DGKB: variants seen among roughly 807,000 people sequenced by gnomAD.
The protein encoded by DGKB is diacylglycerol kinase beta.
Under a neutral mutation model 114.3 loss-of-function variants are expected in DGKB, and 67 were observed. The observed-to-expected ratio is 0.59, with a 90% confidence interval of 0.48 to 0.72. The LOEUF (loss-of-function observed/expected upper bound fraction) is 0.72. DGKB is among the 30% of genes least tolerant of loss of function. DGKB has a pLI of 0.00. For missense variants in DGKB, 907 were observed against 975.2 expected (o/e 0.93, Z 0.93); for synonymous variants, 398 against 323.1 (o/e 1.23, Z -2.49).
chr7:14,243,320 G>T (rs930333399), intron 23 of DGKB, among the ~76,000 whole-genome samples: 12 of 152,266 alleles, frequency 7.9e-5, no homozygotes, highest in Middle Eastern at 3.4e-3. Context: ...TGTTGCTAGT[G>T]TGAATGGAAC....
At chr7:14,711,425 T>C (rs1000702600) in intron 6 of DGKB, among the ~76,000 whole-genome samples, 1 of 152,144 alleles carries the variant, frequency 6.6e-6, no homozygotes, top group Non-Finnish European at 1.5e-5. Flanking sequence ...TCTACTTTTC[T>C]AATTTAAAAT....
chr7:14,186,415 G>A (rs1039022623), intron 23 of DGKB, among the ~76,000 whole-genome samples: 1 of 152,150 alleles, frequency 6.6e-6, no homozygotes, highest in African/African-American at 2.4e-5. Flanking sequence ...CTACACTGTG[G>A]GTGGGAATGT....
chr7:14,965,323 TA>T (rs1787088375), intron 1 of DGKB, among the ~76,000 whole-genome samples: 1 of 152,044 alleles, frequency 6.6e-6, no homozygotes, highest in Admixed American at 6.5e-5. Context: ...AGAGGAGTTA[TA>T]AAAATTAGTA....
chr7:14,716,111 G>A (rs1828138386), intron 6 of DGKB, among the ~76,000 whole-genome samples: 1 of 152,070 alleles, frequency 6.6e-6, no homozygotes, highest in Non-Finnish European at 1.5e-5. Context: ...AACAAATACT[G>A]CCACTATTCA....
chr7:14,206,986 G>T (rs944300495), intron 23 of DGKB, among the ~76,000 whole-genome samples: 3 of 151,650 alleles, frequency 2.0e-5, no homozygotes, highest in African/African-American at 7.3e-5. Flanking sequence ...AAATGTATGA[G>T]ATGGAATTTA....
intron 6 of DGKB, among the ~76,000 whole-genome samples, chr7:14,703,908 A>C (rs894241558): frequency 1.3e-5 from 2 of 152,210 alleles, no homozygotes; most frequent in South Asian, 2.1e-4. Context: ...TTGGTTTTAA[A>C]AATGAACTTA....
intron 23 of DGKB, among the ~76,000 whole-genome samples, chr7:14,283,171 C>G (rs868456994): frequency 1.3e-4 from 20 of 151,470 alleles, no homozygotes; most frequent in African/African-American, 2.7e-4. Flanking sequence ...AAAGTCTCAG[C>G]ATACAAAATC....
intron 23 of DGKB, among the ~76,000 whole-genome samples, chr7:14,277,082 AAAT>A (rs1250268834): frequency 1.3e-5 from 2 of 152,118 alleles, no homozygotes; most frequent in Admixed American, 6.5e-5. Context: ...CATTTCTAAA[AAAT>A]ATCTAATTGA....
chr7:14,158,942 T>G (rs935005551), intron 25 of DGKB, among the ~76,000 whole-genome samples: 3 of 152,138 alleles, frequency 2.0e-5, no homozygotes, highest in African/African-American at 7.2e-5. Context: ...ATCTTGAAAT[T>G]TTTTTCCTTT....
chr7:14,869,355 G>T (rs937184997), intron 1 of DGKB, among the ~76,000 whole-genome samples: 3 of 152,080 alleles, frequency 2.0e-5, no homozygotes, highest in Non-Finnish European at 4.4e-5. Context: ...AGGTTTAACT[G>T]GGTCCGTAAT....
At chr7:14,392,995 G>GTTTTTTTGTTTTTGTTTTTGTTT (rs1554404750) in intron 21 of DGKB, among the ~76,000 whole-genome samples, 1 of 60,548 alleles carries the variant, frequency 1.7e-5, no homozygotes, top group Non-Finnish European at 3.4e-5. Context: ...TTTTGTTTTT[G>GTTTTTTTGTTTTTGTTTTTGTTT]TTTTTTTTTT....
chr7:14,297,715 C>G (rs1802824071), intron 23 of DGKB, among the ~76,000 whole-genome samples: 2 of 152,046 alleles, frequency 1.3e-5, no homozygotes, highest in Non-Finnish European at 2.9e-5. Flanking sequence ...GGCAATCAGG[C>G]AAGAGGAAGA....
chr7:14,455,286 G>A (rs926534714), intron 21 of DGKB, among the ~76,000 whole-genome samples: 1 of 152,008 alleles, frequency 6.6e-6, no homozygotes, highest in Non-Finnish European at 1.5e-5. Flanking sequence ...TTTCATTGGT[G>A]TGGAATCATG....
intron 22 of DGKB, among the ~76,000 whole-genome samples, chr7:14,340,899 C>T (rs79351576): frequency 0.016 from 2,363 of 151,762 alleles, 62 homozygotes; most frequent in African/African-American, 0.053. Context: ...GGCCTTAGAA[C>T]CCCACTGTGA....
chr7:14,186,455 T>C (rs180893312), intron 23 of DGKB, among the ~76,000 whole-genome samples: 10 of 151,582 alleles, frequency 6.6e-5, no homozygotes, highest in Admixed American at 5.2e-4. Flanking sequence ...AAAAAAACAG[T>C]GTGGAGATTC....
intron 21 of DGKB, among the ~76,000 whole-genome samples, chr7:14,471,166 A>G (rs555366770): frequency 7.6e-6 from 1 of 130,824 alleles, no homozygotes; most frequent in South Asian, 2.6e-4. Context: ...TTTTCCATAT[A>G]TATGGAATAT....
chr7:14,656,735 G>GTA (rs767462323), intron 13 of DGKB, among the ~76,000 whole-genome samples: 17 of 111,914 alleles, frequency 1.5e-4, no homozygotes, highest in African/African-American at 2.5e-4. Flanking sequence ...TATATATACA[G>GTA]TATATATATA....
At chr7:14,362,018 G>A (rs577579088) in intron 21 of DGKB, among the ~76,000 whole-genome samples, 2 of 151,908 alleles carry the variant, frequency 1.3e-5, no homozygotes, top group African/African-American at 4.8e-5. Context: ...ATCAAATTCT[G>A]AATATTATTG....
At chr7:14,603,927 A>G (rs1012405516) in intron 17 of DGKB, among the ~76,000 whole-genome samples, 1 of 152,172 alleles carries the variant, frequency 6.6e-6, no homozygotes, top group African/African-American at 2.4e-5. Context: ...AAGTATACAA[A>G]AAACTTGATA....
Sources: gnomAD v4.1 joint callset for allele counts (sites outside exome capture counted in the v4.1 genomes callset) on GRCh38, gnomAD v4.1.1 for gene constraint, MANE v1.5 for transcripts, NCBI Gene and HGNC (gene_info 2026-07-23, HGNC 2026-07-21) for gene names.